The following GRID2 variants were observed in gnomAD, a reference collection of about 807,000 sequenced individuals.
The protein encoded by GRID2 is glutamate receptor ionotropic, delta-2.
A neutral mutation model predicts 114.8 loss-of-function variants in GRID2; 33 were observed. The observed-to-expected ratio is 0.29, with a 90% CI of 0.22 to 0.38. The LOEUF (loss-of-function observed/expected upper bound fraction) is 0.38, where lower values mean the gene tolerates loss of function less well. Ranked by LOEUF, GRID2 falls within the 10% of genes least tolerant of loss-of-function variation. The pLI, the probability that GRID2 is intolerant of heterozygous loss-of-function variation, is 1.00. For missense variants in GRID2, 1,184 were observed against 1,257.7 expected (o/e 0.94, Z 0.89); for synonymous variants, 505 against 449.9 (o/e 1.12, Z -1.55).
intron 2 of GRID2, among the ~76,000 whole-genome samples, chr4:92,926,050 T>C (rs1300596681): frequency 6.6e-6 from 1 of 152,024 alleles, no homozygotes; most frequent in Admixed American, 6.6e-5. Flanking sequence ...AGACTGTATG[T>C]TTTATCTTGA....
At chr4:92,710,801 ATATT>A (rs1735207477) in intron 2 of GRID2, among the ~76,000 whole-genome samples, 1 of 152,154 alleles carries the variant, frequency 6.6e-6, no homozygotes, top group South Asian at 2.1e-4. Flanking sequence ...TATGGACATA[ATATT>A]TACTCTCACA....
chr4:92,666,051 A>G (rs1560520303), intron 2 of GRID2, among the ~76,000 whole-genome samples: 1 of 151,382 alleles, frequency 6.6e-6, no homozygotes, highest in East Asian at 1.9e-4. Context: ...TAATGTGTAT[A>G]TTGGTCTTCA....
chr4:92,835,821 T>C (rs1342999415), intron 2 of GRID2, among the ~76,000 whole-genome samples: 1 of 152,158 alleles, frequency 6.6e-6, no homozygotes, highest in East Asian at 1.9e-4. Flanking sequence ...CCTCCACACT[T>C]CGTATTGTCT....
chr4:93,200,960 T>G (rs1742043600), intron 4 of GRID2, among the ~76,000 whole-genome samples: 2 of 152,312 alleles, frequency 1.3e-5, no homozygotes, highest in South Asian at 4.1e-4. Flanking sequence ...CAGTTTACCA[T>G]ATACCATTAT....
intron 1 of GRID2, among the ~76,000 whole-genome samples, chr4:92,322,574 G>A (rs766316981): frequency 1.3e-5 from 2 of 151,998 alleles, no homozygotes; most frequent in Admixed American, 6.6e-5. Context: ...AAATTAAAAA[G>A]TGTTGCTGTT....
intron 2 of GRID2, among the ~76,000 whole-genome samples, chr4:92,991,722 A>T (rs2149204516): frequency 6.6e-6 from 1 of 152,334 alleles, no homozygotes; most frequent in Admixed American, 6.5e-5. Context: ...ATTAATGAAT[A>T]AAAACTAAAT....
intron 1 of GRID2, among the ~76,000 whole-genome samples, chr4:93,789,743 TA>T (rs1340426087): frequency 6.6e-6 from 1 of 152,188 alleles, no homozygotes; most frequent in Non-Finnish European, 1.5e-5. Context: ...AGTTGTTACA[TA>T]AGATTTAAAT....
chr4:92,563,836 T>C (rs1239135199), intron 1 of GRID2, among the ~76,000 whole-genome samples: 2 of 152,130 alleles, frequency 1.3e-5, no homozygotes, highest in African/African-American at 4.8e-5. Flanking sequence ...CACCTTCTCA[T>C]GGACCCTAGT....
intron 12 of GRID2, among the ~76,000 whole-genome samples, chr4:93,491,485 T>C (rs1157102251): frequency 1.3e-5 from 2 of 151,920 alleles, no homozygotes; most frequent in African/African-American, 4.8e-5. Context: ...ACAGCCAGTT[T>C]TGCTTTTGTG....
intron 14 of GRID2, among the ~76,000 whole-genome samples, chr4:93,722,145 C>A (rs1342565542): frequency 6.6e-6 from 1 of 151,800 alleles, no homozygotes; most frequent in Non-Finnish European, 1.5e-5. Context: ...GTTTCAAACT[C>A]CTGAAAGTGA....
At chr4:93,127,671 A>C (rs1327465810) in intron 4 of GRID2, among the ~76,000 whole-genome samples, 1 of 152,064 alleles carries the variant, frequency 6.6e-6, no homozygotes, top group Non-Finnish European at 1.5e-5. Flanking sequence ...TCACACAGTG[A>C]GTAATAGCAA....
intron 2 of GRID2, among the ~76,000 whole-genome samples, chr4:92,922,380 T>C (rs990189904): frequency 2.6e-5 from 4 of 152,042 alleles, no homozygotes; most frequent in African/African-American, 9.7e-5. Flanking sequence ...CAATCCCCAG[T>C]GAGATGAACC....
rs182598695 is a variant in GRID2, at chr4:93,136,710, A to G, written c.735+25757A>G. On this transcript the variant is annotated intron_variant, in intron 4 of 15. Coordinates refer to ENST00000282020, the MANE Select transcript of GRID2 (RefSeq NM_001510.4). ...AATAGAAGAATCTGTGGTTGAGGCAAATTTATCTCTTTAAAGATACTTTAT... is the reference window on the plus strand; with the variant it reads ...AATAGAAGAATCTGTGGTTGAGGCAGATTTATCTCTTTAAAGATACTTTAT... Among the ~76,000 whole-genome samples, 138 of 152,286 alleles carry G rather than the reference A, an allele frequency of 9.1e-4. 1 individual carries two copies. Among genetic ancestry groups the G allele is most frequent in the African/African-American group, 3.3e-3 (137 of 41,572 alleles).
At chr4:93,039,148 A>C (rs1725236234) in intron 2 of GRID2, among the ~76,000 whole-genome samples, 1 of 152,180 alleles carries the variant, frequency 6.6e-6, no homozygotes, top group Non-Finnish European at 1.5e-5. Flanking sequence ...GTAAAAAAGG[A>C]TGAGTTCATG....
intron 13 of GRID2, among the ~76,000 whole-genome samples, chr4:93,580,279 G>C (rs1388378946): frequency 6.6e-6 from 1 of 152,170 alleles, no homozygotes; most frequent in Admixed American, 6.5e-5. Flanking sequence ...AAGGTGATAG[G>C]AAGCTTTTGT....
In GRID2 at chr4:93,559,005, T is replaced by A. The variant is rs184016652; in HGVS notation, c.2193+43594T>A. The stretch of plus-strand genomic sequence containing the variant: ...AAAACTACATGATAATCTCAATAGA[T>A]GCAGAAAAGGCCTTTGACAAAATTC... On this transcript the variant is annotated intron_variant, in intron 13 of 15. Transcript: ENST00000282020. 6.6e-3 allele frequency among the ~76,000 whole-genome samples: 1,006 copies of A among 152,262 alleles called. 19 individuals carry two copies. The highest frequency in any genetic ancestry group is 6.8e-3 in the Middle Eastern group (2 of 294).
chr4:92,846,056 G>T (rs530567508), intron 2 of GRID2, among the ~76,000 whole-genome samples: 1 of 152,110 alleles, frequency 6.6e-6, no homozygotes, highest in African/African-American at 2.4e-5. Flanking sequence ...TTAAATTCAT[G>T]ACTTCTTAAT....
intron 1 of GRID2, among the ~76,000 whole-genome samples, chr4:93,788,417 A>G (rs1018867108): frequency 3.9e-5 from 6 of 151,950 alleles, no homozygotes; most frequent in Non-Finnish European, 8.8e-5. Flanking sequence ...TTCTCAACAC[A>G]TACATACAAA....
intron 14 of GRID2, among the ~76,000 whole-genome samples, chr4:93,748,265 T>C (rs1376400898): frequency 1.3e-5 from 2 of 152,114 alleles, no homozygotes; most frequent in Non-Finnish European, 2.9e-5. Flanking sequence ...AAATGATCCA[T>C]CTGAATTATA....
Sources: gnomAD v4.1 joint callset for allele counts (sites outside exome capture counted in the v4.1 genomes callset) on GRCh38, gnomAD v4.1.1 for gene constraint, MANE v1.5 for transcripts, NCBI Gene and HGNC (gene_info 2026-07-23, HGNC 2026-07-21) for gene names.